The following PACRG variants were observed in gnomAD, a reference collection of about 807,000 sequenced individuals.
The protein encoded by PACRG is parkin coregulated gene protein.
In PACRG, 29 loss-of-function variants were observed where a neutral mutation model predicts 29.7. The observed-to-expected ratio is 0.98, with a 90% CI of 0.73 to 1.33. PACRG has a LOEUF of 1.33. Among genes scored for constraint, PACRG ranks in the 40% most tolerant of loss-of-function variants. The pLI is 0.00. For synonymous variants in PACRG, 116 were observed against 118.7 expected, an observed-to-expected ratio of 0.98 and a Z score of 0.15; for missense variants, 279 against 316.2, an observed-to-expected ratio of 0.88 and a Z score of 0.89.
chr6:162,814,068 A>G (rs1203999264), intron 1 of PACRG, 79 bp from the exon 2 acceptor site: 5 of 1,425,476 alleles, frequency 3.5e-6, no homozygotes, highest in African/African-American at 1.4e-5. Flanking sequence ...TGAAATCTTT[A>G]AAAACAGAAA....
chr6:163,002,145 A>G (rs1238122840), intron 2 of PACRG, among the ~76,000 whole-genome samples: 1 of 152,222 alleles, frequency 6.6e-6, no homozygotes, highest in African/African-American at 2.4e-5. Context: ...AAGAATCTTA[A>G]GAACTTCTCA....
intron 4 of PACRG, among the ~76,000 whole-genome samples, chr6:163,288,630 T>A (rs1784477036): frequency 6.6e-6 from 1 of 152,236 alleles, no homozygotes; most frequent in South Asian, 2.1e-4. Flanking sequence ...ATTTTATGCA[T>A]CACTTTGCCT....
At chr6:163,302,259 T>TTTTTTTTTTTTTTTG in intron 4 of PACRG, among the ~76,000 whole-genome samples, 1 of 89,910 alleles carries the variant, frequency 1.1e-5, no homozygotes, top group Non-Finnish European at 2.7e-5. Flanking sequence ...TTTTTTTTTG[T>TTTTTTTTTTTTTTTG]TTTTTTTTTT....
At chr6:163,216,331 T>C (rs1781363036) in intron 4 of PACRG, among the ~76,000 whole-genome samples, 1 of 151,938 alleles carries the variant, frequency 6.6e-6, no homozygotes, top group Non-Finnish European at 1.5e-5. Context: ...GGCTTGCACA[T>C]CACCAAGGAA....
chr6:162,927,954 C>T (rs1053976058), intron 2 of PACRG, among the ~76,000 whole-genome samples: 1 of 151,826 alleles, frequency 6.6e-6, no homozygotes, highest in Non-Finnish European at 1.5e-5. Context: ...GATGAATTTC[C>T]CTATGTTCAT....
intron 2 of PACRG, among the ~76,000 whole-genome samples, chr6:162,868,595 G>T (rs1329752103): frequency 6.6e-6 from 1 of 152,122 alleles, no homozygotes; most frequent in African/African-American, 2.4e-5. Flanking sequence ...GTTTCTTCCA[G>T]CCCCGCCCCA....
chr6:163,170,265 T>C (rs1212823775), intron 4 of PACRG, among the ~76,000 whole-genome samples: 3 of 152,216 alleles, frequency 2.0e-5, no homozygotes, highest in South Asian at 2.1e-4. Flanking sequence ...CCAAGAGAGA[T>C]GGGACCTGAG....
chr6:162,913,405 T>G (rs1477893525), intron 2 of PACRG, among the ~76,000 whole-genome samples: 1 of 152,224 alleles, frequency 6.6e-6, no homozygotes, highest in Non-Finnish European at 1.5e-5. Context: ...TCTTTTTTAT[T>G]GCTGAGTAGT....
intron 2 of PACRG, among the ~76,000 whole-genome samples, chr6:162,873,927 A>G (rs1326114416): frequency 6.6e-6 from 1 of 152,166 alleles, no homozygotes; most frequent in Non-Finnish European, 1.5e-5. Flanking sequence ...TTGTAACTCA[A>G]GTTATCTTCT....
At chr6:163,140,598 C>A (rs1180364231) in intron 4 of PACRG, among the ~76,000 whole-genome samples, 2 of 151,982 alleles carry the variant, frequency 1.3e-5, no homozygotes, top group African/African-American at 2.4e-5. Context: ...GGGGAAAAAC[C>A]CTTTTCCTTC....
At chr6:163,104,731 A>G (rs189002565) in intron 4 of PACRG, among the ~76,000 whole-genome samples, 1 of 152,348 alleles carries the variant, frequency 6.6e-6, no homozygotes, top group East Asian at 1.9e-4. Flanking sequence ...GTAAAAGACC[A>G]TTTGTTTTAG....
At chr6:162,989,196 G>C (rs1275578283) in intron 2 of PACRG, among the ~76,000 whole-genome samples, 1 of 152,138 alleles carries the variant, frequency 6.6e-6, no homozygotes, top group Non-Finnish European at 1.5e-5. Context: ...GGACACTACA[G>C]CTCTGACTTC....
chr6:162,779,859 A>G (rs1413711790), intron 1 of PACRG, among the ~76,000 whole-genome samples: 1 of 152,214 alleles, frequency 6.6e-6, no homozygotes, highest in Non-Finnish European at 1.5e-5. Flanking sequence ...ACATCAGGCA[A>G]TGAAGGACAG....
chr6:162,999,883 G>T (rs1804426330), intron 2 of PACRG, among the ~76,000 whole-genome samples: 1 of 152,094 alleles, frequency 6.6e-6, no homozygotes, highest in African/African-American at 2.4e-5. Context: ...TGCAAATGGA[G>T]GTGAGAACCT....
intron 2 of PACRG, among the ~76,000 whole-genome samples, chr6:163,002,512 A>G (rs1200470393): frequency 6.6e-6 from 1 of 152,260 alleles, no homozygotes; most frequent in East Asian, 1.9e-4. Flanking sequence ...GAAATGATTA[A>G]GAAAAGAGCA....
At chr6:162,835,353 A>G (rs1461420107) in intron 2 of PACRG, among the ~76,000 whole-genome samples, 2 of 152,110 alleles carry the variant, frequency 1.3e-5, no homozygotes, top group African/African-American at 4.8e-5. Context: ...TCTAAAAAGA[A>G]GATATAATAT....
chr6:163,107,744 C>T (rs532764), intron 4 of PACRG, among the ~76,000 whole-genome samples: 53,575 of 151,958 alleles, frequency 0.35, 10,139 homozygotes, highest in East Asian at 0.52. Context: ...ACAAGGCAGA[C>T]CTTTTCTTTG....
intron 2 of PACRG, among the ~76,000 whole-genome samples, chr6:163,019,410 C>T (rs1367870070): frequency 1.3e-5 from 2 of 152,142 alleles, no homozygotes; most frequent in Non-Finnish European, 2.9e-5. Context: ...TTCTTTTACT[C>T]CTCTGGACCT....
At chr6:163,212,597 A>G (rs1781193111) in intron 4 of PACRG, among the ~76,000 whole-genome samples, 1 of 152,188 alleles carries the variant, frequency 6.6e-6, no homozygotes, top group Non-Finnish European at 1.5e-5. Context: ...AAAATAAATG[A>G]TAGTAAAATG....
Sources: allele counts gnomAD v4.1 joint callset (sites outside exome capture counted in the v4.1 genomes callset), GRCh38; gene constraint gnomAD v4.1.1; transcripts MANE v1.5; gene names NCBI Gene and HGNC (gene_info 2026-07-23, HGNC 2026-07-21).